HSD11B2: variants seen among roughly 807,000 people sequenced by gnomAD.
HSD11B2 encodes the protein hydroxysteroid 11-beta dehydrogenase 2.
A neutral mutation model predicts 20.9 loss-of-function variants in HSD11B2; 17 were observed. That is an observed-to-expected ratio of 0.81 (90% CI 0.56 to 1.22). HSD11B2 has a LOEUF of 1.22. Among genes scored for constraint, HSD11B2 ranks in the 50% most tolerant of loss-of-function variants. The pLI is 0.00. For missense variants in HSD11B2, 480 were observed against 563.6 expected (o/e 0.85, Z 1.50); for synonymous variants, 253 against 255.4 (o/e 0.99, Z 0.09).
chr16:67,432,349 T>C (rs889669435), intron 1 of HSD11B2, among the ~76,000 whole-genome samples: 5 of 151,964 alleles, frequency 3.3e-5, no homozygotes, highest in Admixed American at 2.0e-4. Context: ...AGGAGCAGCC[T>C]GGTCTCTCGC....
chr16:67,431,915 A>T (rs1180873708), intron 1 of HSD11B2, among the ~76,000 whole-genome samples: 1 of 152,120 alleles, frequency 6.6e-6, no homozygotes, highest in Non-Finnish European at 1.5e-5. Context: ...TCCCCACCTA[A>T]GATACCCATC....
chr16:67,436,299 G>A lies in HSD11B2; in HGVS notation c.715G>A (p.Val239Met), dbSNP rs768979343. Reference protein sequence around the residue: ...LGAYGTSKAAVALLMDTFSCE... With the variant: ...LGAYGTSKAAMALLMDTFSCE... ...GGCCTATGGAACCTCCAAAGCGGCC[G>A]TGGCGCTACTCATGGACACATTCAG... The change falls in exon 4 of 5, where the codon GTG (valine) becomes ATG (methionine). Residue 239 changes from valine to methionine, a missense_variant. Transcript: ENST00000326152. The surrounding 1 kb of genome is among the most constrained non-coding windows in gnomAD (Gnocchi z 5.7). 55 of 1,613,802 alleles carry A rather than the reference G, an allele frequency of 3.4e-5. No individual in the cohort carries two copies. Among genetic ancestry groups the A allele is most frequent in the Non-Finnish European group, 4.4e-5 (52 of 1,180,012 alleles).
Position 67,436,513 on chromosome 16 carries a change from G to A in HSD11B2, c.803-75G>A. 1 of 1,580,466 alleles carries A rather than the reference G, an allele frequency of 6.3e-7. No individual in the cohort carries two copies. Among genetic ancestry groups the A allele is most frequent in the Admixed American group, 1.8e-5 (1 of 56,300 alleles). ...GGGTGTAGTTTTGGCTGCAGACCTG[G>A]CGCGGGTTAAACAGTCCTAATTGGC... On this transcript the variant is annotated intron_variant, in intron 4 of 4. Transcript: ENST00000326152. This position sits in a 1 kb window ranked among gnomAD's most constrained non-coding sequence, Gnocchi z 5.7.
At position 67,431,217 on chromosome 16, in the gene HSD11B2, CGCCCCGCCCCGCCCCA is replaced by C; in HGVS notation, c.-27_-12del. The C allele has an allele frequency of 8.9e-7, 1 of 1,129,062 alleles. No individual in the cohort carries two copies. The highest frequency in any genetic ancestry group is 1.1e-6 in the Non-Finnish European group (1 of 916,344). 69.9% of individuals were successfully genotyped at this position (1,129,062 alleles called of 1,614,324 possible). Reference sequence around the variant, plus strand: ...TCTCCCCGCTCCCCGGCCCGGCCCCCGCCCCGCCCCGCCCCAGCCCGCTGGGCCGCCATGGAGCGCT... The same window carrying C: ...TCTCCCCGCTCCCCGGCCCGGCCCCCGCCCGCTGGGCCGCCATGGAGCGCT... On this transcript the variant is annotated 5_prime_UTR_variant, in exon 1 of 5. Transcript: ENST00000326152.
At chr16:67,435,417 C>A in intron 1 of HSD11B2, 1 of 655,826 alleles carries the variant, frequency 1.5e-6, no homozygotes, top group South Asian at 1.7e-5. Flanking sequence ...GGGAGTCAGG[C>A]AGATGACAGC....
chr16:67,435,656 G>T lies in HSD11B2; in HGVS notation c.294G>T (p.Thr98=), dbSNP rs370302671. 1.2e-6 allele frequency: 2 copies of T among 1,613,556 alleles called. No homozygotes were observed. The highest frequency in any genetic ancestry group is 2.2e-5 in the South Asian group (2 of 91,078). ...TGCDSGFGKE[T]AKKLDSMGFT... ...GTGACTCTGGTTTTGGCAAGGAGAC[G>T]GCCAAGAAACTGGACTCCATGGGCT... Residue 98 remains threonine (T), a synonymous_variant, in exon 2 of 5, where the codon ACG becomes ACT. Transcript: ENST00000326152.
chr16:67,431,084 C>CCCCG, upstream of HSD11B2: 1 of 201,688 alleles, frequency 5.0e-6, no homozygotes, highest in Non-Finnish European at 9.6e-6. Context: ...CCCCCGCCCC[C>CCCCG]GGGGCTCTTC....
At chr16:67,432,300 G>C (rs1463270242) in intron 1 of HSD11B2, among the ~76,000 whole-genome samples, 1 of 152,116 alleles carries the variant, frequency 6.6e-6, no homozygotes, top group Non-Finnish European at 1.5e-5. Flanking sequence ...TGGGGAGGGG[G>C]AGAAAGGCCA....
rs45619232 is a variant in HSD11B2 at position 67,436,969 on chromosome 16, T to C, written c.1184T>C (p.Leu395Pro). ...PPQDAAQDPN[L>P]SPGPSPAVAR is the part of the protein sequence containing the mutation. ...CAGGACGCAGCCCAGGACCCAAACC[T>C]GAGCCCCGGCCCTTCCCCAGCAGTG... The change falls in exon 5 of 5, where the codon CTG (leucine) becomes CCG (proline). Residue 395 changes from leucine to proline, a missense_variant. By Grantham distance (98) the Leu-to-Pro change is moderately conservative (BLOSUM62 -3). Coordinates refer to ENST00000326152, the MANE Select transcript of HSD11B2 (RefSeq NM_000196.4). This position sits in a 1 kb window ranked among gnomAD's most constrained non-coding sequence, Gnocchi z 5.7. 73 of 1,610,722 alleles carry C rather than the reference T, an allele frequency of 4.5e-5. No individual in the cohort carries two copies. Among genetic ancestry groups the C allele is most frequent in the Middle Eastern group, 3.3e-4 (2 of 6,062 alleles).
At chr16:67,431,632 A>G (rs55681036) in intron 1 of HSD11B2, 119 bp downstream of exon 1, 11,199 of 1,066,800 alleles carry the variant, frequency 0.01, 72 homozygotes, top group Non-Finnish European at 0.011. Flanking sequence ...AGAGTGGGAG[A>G]GTTCTCCACC....
upstream of HSD11B2, chr16:67,430,659 G>A (rs1370821788): frequency 6.5e-6 from 1 of 153,804 alleles, no homozygotes; most frequent in Non-Finnish European, 1.5e-5. The surrounding 1 kb of genome is among the most constrained non-coding windows in gnomAD (Gnocchi z 5.4). Context: ...CGGCAGCGGA[G>A]ACCGGGTGAG....
Position 67,431,257 on chromosome 16 carries a change from C to T in HSD11B2, c.9C>T (p.Arg3=), listed in dbSNP as rs1239367951. 2.4e-6 allele frequency: 3 copies of T among 1,253,148 alleles called. No homozygotes were observed. The highest frequency in any genetic ancestry group is 3.0e-6 in the Non-Finnish European group (3 of 989,572). The allele number at this position is 1,253,148 out of a possible 1,614,324, so 77.6% of individuals were successfully genotyped here. A position where few individuals can be genotyped will look rare whatever the true frequency, so the allele number is the denominator to read the frequency against. The change falls in exon 1 of 5, where the codon CGC becomes CGT. Residue 3 remains arginine (R), a synonymous_variant. Coordinates refer to ENST00000326152, the MANE Select transcript of HSD11B2 (RefSeq NM_000196.4). ...CAGCCCGCTGGGCCGCCATGGAGCG[C>T]TGGCCTTGGCCGTCGGGCGGCGCCT... ME[R]WPWPSGGAWL... is the part of the protein sequence containing the mutation.
At chr16:67,433,830 G>A (rs1597561490) in intron 1 of HSD11B2, among the ~76,000 whole-genome samples, 1 of 151,878 alleles carries the variant, frequency 6.6e-6, no homozygotes, top group African/African-American at 2.4e-5. Context: ...AGAGGGAGTG[G>A]AGCTGAGATG....
At chr16:67,434,307 G>A (rs1418483693) in intron 1 of HSD11B2, among the ~76,000 whole-genome samples, 3 of 152,164 alleles carry the variant, frequency 2.0e-5, no homozygotes, top group African/African-American at 4.8e-5. Context: ...GTGGGGATGG[G>A]CCTCCAGCTT....
In HSD11B2 at chr16:67,431,407, CCCGCCGGCCGCACTCGCCGTGCTGGCCG is replaced by C. The variant is rs2040932336; in HGVS notation, c.168_195del (p.Ala57GlyfsTer51). ...ACTGGCTGTGCCAGCGCCTGCTGCC[CCCGCCGGCCGCACTCGCCGTGCTGGCCG>C]CCGCCGGCTGGATCGCGTTGTCCCG... On this transcript the variant is annotated frameshift_variant, in exon 1 of 5. Transcript: ENST00000326152. LOFTEE classifies it high-confidence loss of function. 1 of 1,278,742 alleles carries C rather than the reference CCCGCCGGCCGCACTCGCCGTGCTGGCCG, an allele frequency of 7.8e-7. No homozygotes were observed. The highest frequency in any genetic ancestry group is 9.9e-7 in the Non-Finnish European group (1 of 1,015,168). The allele number at this position is 1,278,742 out of a possible 1,614,324, so 79.2% of individuals were successfully genotyped here.
chr16:67,430,372 C>T (rs959828747), upstream of HSD11B2, among the ~76,000 whole-genome samples: 1 of 152,192 alleles, frequency 6.6e-6, no homozygotes, highest in African/African-American at 2.4e-5. The surrounding 1 kb of genome is among the most constrained non-coding windows in gnomAD (Gnocchi z 5.4). Context: ...CTCTGACACC[C>T]CACCCTCCAC....
At chr16:67,429,868 T>C (rs2040917053), upstream of HSD11B2, among the ~76,000 whole-genome samples, 1 of 152,140 alleles carries the variant, frequency 6.6e-6, no homozygotes, top group African/African-American at 2.4e-5. Context: ...GGCATTGCCC[T>C]GAAACCCTGG....
chr16:67,436,189 G>A lies in HSD11B2; in HGVS notation c.664+47G>A, dbSNP rs1275689343. The A allele has an allele frequency of 6.2e-7, 1 of 1,613,844 alleles. No individual in the cohort carries two copies. Among genetic ancestry groups the A allele is most frequent in the South Asian group, 1.1e-5 (1 of 91,080 alleles). ...AGCAAAAAGGAGCCCCCTGGGGTGGGGGAGGGCTTAGGGAGCCCCTTGCCA... is the reference window on the plus strand; with the variant it reads ...AGCAAAAAGGAGCCCCCTGGGGTGGAGGAGGGCTTAGGGAGCCCCTTGCCA... On this transcript the variant is annotated intron_variant, in intron 3 of 4. Transcript: ENST00000326152. This position sits in a 1 kb window ranked among gnomAD's most constrained non-coding sequence, Gnocchi z 5.7.
Position 67,436,515 on chromosome 16 carries a change from G to T in HSD11B2, c.803-73G>T. 1.9e-6 allele frequency: 3 copies of T among 1,583,924 alleles called. No homozygotes were observed. Among genetic ancestry groups the T allele is most frequent in the Middle Eastern group, 1.7e-4 (1 of 5,988 alleles). On this transcript the variant is annotated intron_variant, in intron 4 of 4. Transcript: ENST00000326152. The surrounding 1 kb of genome is among the most constrained non-coding windows in gnomAD (Gnocchi z 5.7). ...GTGTAGTTTTGGCTGCAGACCTGGC[G>T]CGGGTTAAACAGTCCTAATTGGCTT...
Sources: allele counts gnomAD v4.1 joint callset (sites outside exome capture counted in the v4.1 genomes callset), GRCh38; gene constraint gnomAD v4.1.1; non-coding constraint Gnocchi (gnomAD v3.1); transcripts MANE v1.5; gene names NCBI Gene and HGNC (gene_info 2026-07-23, HGNC 2026-07-21).